Variants in CLIC5 observed in about 807,000 individuals in gnomAD.
CLIC5 encodes the protein CLIC family member 5.
In CLIC5, 20 loss-of-function variants were observed where a neutral mutation model predicts 24.7. The observed-to-expected ratio is 0.81, with a 90% CI of 0.57 to 1.18. The LOEUF (loss-of-function observed/expected upper bound fraction) is 1.18, where lower values mean the gene tolerates loss of function less well. Ranked by LOEUF, CLIC5 falls within the 50% of genes most tolerant of loss-of-function variation. The probability of loss-of-function intolerance (pLI) is 0.00; values close to 1 mark genes in which losing one functional copy is unlikely to be tolerated. For missense variants in CLIC5, 341 were observed against 326.1 expected (o/e 1.05, Z -0.35); for synonymous variants, 159 against 135.6 (o/e 1.17, Z -1.20).
At chr6:46,078,796 A>T (rs960717941) in intron 1 of CLIC5, among the ~76,000 whole-genome samples, 8 of 152,232 alleles carry the variant, frequency 5.3e-5, no homozygotes, top group Non-Finnish European at 1.2e-4. Context: ...AGAACAAATT[A>T]CAAGACAACA....
At position 45,898,614 on chromosome 6, in the gene CLIC5, A is replaced by G. The variant is rs1762433691; in HGVS notation, c.*4474T>C. 6.6e-6 allele frequency: 1 copy of G among 152,642 alleles called. No homozygotes were observed. Among genetic ancestry groups the G allele is most frequent in the Admixed American group, 6.5e-5 (1 of 15,286 alleles). The allele number at this position is 152,642 out of a possible 1,614,324, so 9.5% of individuals were successfully genotyped here. Reference sequence around the variant, plus strand: ...TTAAGGCTTGAAAGCAAGTCCTGTTATTCATCACCATAGTTAAAGGTCTCG... The same window carrying G: ...TTAAGGCTTGAAAGCAAGTCCTGTTGTTCATCACCATAGTTAAAGGTCTCG... On this transcript the variant is annotated 3_prime_UTR_variant, in exon 6 of 6. Coordinates refer to ENST00000339561, the MANE Select transcript of CLIC5 (RefSeq NM_016929.5).
In CLIC5 at chr6:45,900,577, T is replaced by C. The variant is rs1184400301; in HGVS notation, c.*2511A>G. 1 of 150,476 alleles carries C rather than the reference T, an allele frequency of 6.6e-6. No individual in the cohort carries two copies. The highest frequency in any genetic ancestry group is 1.9e-4 in the East Asian group (1 of 5,130). 9.3% of individuals were successfully genotyped at this position (150,476 alleles called of 1,614,324 possible). Reference sequence around the variant, plus strand: ...TATTAATATTATTGTTACTTTAATATACCATAATAAATCTAGTCATAAGAC... The same window carrying C: ...TATTAATATTATTGTTACTTTAATACACCATAATAAATCTAGTCATAAGAC... On this transcript the variant is annotated 3_prime_UTR_variant, in exon 6 of 6. Transcript: ENST00000339561.
chr6:46,115,734 G>A, the CLIC5 span, among the ~76,000 whole-genome samples: 1 of 152,168 alleles, frequency 6.6e-6, no homozygotes, highest in Admixed American at 6.5e-5. Flanking sequence ...AGATTATAAT[G>A]CTTGGGTTTC....
chr6:46,003,085 T>C (rs1261987683), intron 1 of CLIC5, among the ~76,000 whole-genome samples: 1 of 152,220 alleles, frequency 6.6e-6, no homozygotes, highest in Non-Finnish European at 1.5e-5. Flanking sequence ...GGACTCAGTC[T>C]GACCTTCAGT....
chr6:46,062,419 T>C (rs1762310368), intron 1 of CLIC5, among the ~76,000 whole-genome samples: 1 of 152,272 alleles, frequency 6.6e-6, no homozygotes, highest in African/African-American at 2.4e-5. Context: ...AACAATGTAC[T>C]GTCTTATTTA....
chr6:45,895,684 G>A (rs181150462), downstream of CLIC5, among the ~76,000 whole-genome samples: 135 of 152,244 alleles, frequency 8.9e-4, no homozygotes, highest in Middle Eastern at 3.4e-3. Flanking sequence ...GGTGAGGCAC[G>A]GCACAAAAAT....
chr6:45,976,228 A>C (rs1201664918), intron 1 of CLIC5, among the ~76,000 whole-genome samples: 2 of 152,148 alleles, frequency 1.3e-5, no homozygotes, highest in Non-Finnish European at 2.9e-5. Flanking sequence ...TAAATAGGAG[A>C]CTCAACAATA....
chr6:46,071,156 A>T (rs910516279), intron 1 of CLIC5, among the ~76,000 whole-genome samples: 2 of 152,224 alleles, frequency 1.3e-5, no homozygotes, highest in Non-Finnish European at 2.9e-5. Flanking sequence ...CATTCTGGGC[A>T]TAGAAACAGG....
At chr6:46,106,725 T>C in the CLIC5 span, among the ~76,000 whole-genome samples, 1 of 152,256 alleles carries the variant, frequency 6.6e-6, no homozygotes, top group Non-Finnish European at 1.5e-5. Flanking sequence ...CATTTATTTT[T>C]AATCTTCCTC....
intron 2 of CLIC5, among the ~76,000 whole-genome samples, chr6:45,950,855 AAG>A (rs1229375315): frequency 6.6e-6 from 1 of 152,166 alleles, no homozygotes; most frequent in Non-Finnish European, 1.5e-5. Flanking sequence ...ATTTACTAGA[AAG>A]AAGTTATTTT....
intron 1 of CLIC5, among the ~76,000 whole-genome samples, chr6:46,024,286 T>A (rs1767268073): frequency 6.6e-6 from 1 of 152,156 alleles, no homozygotes; most frequent in Admixed American, 6.5e-5. Flanking sequence ...AAGTAAAGCC[T>A]TAAGGATGGT....
At chr6:46,032,981 A>ATTTTTT (rs35845581) in intron 1 of CLIC5, among the ~76,000 whole-genome samples, 11 of 79,024 alleles carry the variant, frequency 1.4e-4, no homozygotes, top group East Asian at 7.2e-4. Flanking sequence ...GGAAATCTAC[A>ATTTTTT]TTTTTTTTTT....
chr6:45,976,883 T>C (rs1434945431), intron 1 of CLIC5, among the ~76,000 whole-genome samples: 1 of 152,212 alleles, frequency 6.6e-6, no homozygotes, highest in Non-Finnish European at 1.5e-5. Context: ...GGGATATTGC[T>C]GATGCTTTTT....
chr6:45,992,343 G>T (rs1581835359), intron 1 of CLIC5, among the ~76,000 whole-genome samples: 1 of 152,232 alleles, frequency 6.6e-6, no homozygotes, highest in Non-Finnish European at 1.5e-5. Flanking sequence ...GACAGCGAAT[G>T]TGTACTCTCT....
the CLIC5 span, among the ~76,000 whole-genome samples, chr6:46,087,734 C>A: frequency 6.6e-6 from 1 of 152,140 alleles, no homozygotes; most frequent in Non-Finnish European, 1.5e-5. Flanking sequence ...CTGCTGATAC[C>A]TGATATCCAA....
At chr6:45,912,903 A>T (rs1246591854) in intron 5 of CLIC5, among the ~76,000 whole-genome samples, 1 of 152,218 alleles carries the variant, frequency 6.6e-6, no homozygotes, top group Non-Finnish European at 1.5e-5. Flanking sequence ...TTTATGCATG[A>T]TTCCCTCTCA....
intron 1 of CLIC5, among the ~76,000 whole-genome samples, chr6:46,069,501 A>G (rs982671248): frequency 3.3e-5 from 5 of 152,122 alleles, no homozygotes; most frequent in Non-Finnish European, 7.4e-5. Context: ...CCCTCCCAAG[A>G]CTGAACCAGG....
chr6:45,963,757 C>A (rs1009368804), intron 1 of CLIC5, among the ~76,000 whole-genome samples: 1 of 152,134 alleles, frequency 6.6e-6, no homozygotes, highest in Non-Finnish European at 1.5e-5. Context: ...ACCTCCTAGC[C>A]TATCTCACTG....
chr6:45,920,063 A>C, intron 4 of CLIC5: 1 of 647,700 alleles, frequency 1.5e-6, no homozygotes, highest in Non-Finnish European at 1.9e-6. Context: ...AGGTGCTGCA[A>C]AATGTTCTCA....
Sources: allele counts gnomAD v4.1 joint callset (sites outside exome capture counted in the v4.1 genomes callset), GRCh38; gene constraint gnomAD v4.1.1; transcripts MANE v1.5; gene names NCBI Gene and HGNC (gene_info 2026-07-23, HGNC 2026-07-21).